Variants in PTK2B observed in about 807,000 individuals in gnomAD.
PTK2B encodes the protein protein tyrosine kinase 2 beta.
Under a neutral mutation model 142.9 loss-of-function variants are expected in PTK2B, and 71 were observed. The observed-to-expected ratio is 0.50, with a 90% CI of 0.41 to 0.61. The LOEUF is 0.61. Among genes scored for constraint, PTK2B ranks in the 20% least tolerant of loss-of-function variants. The pLI is 0.00. For missense variants in PTK2B, 1,105 were observed against 1,320.4 expected, an observed-to-expected ratio of 0.84 and a Z score of 2.53; for synonymous variants, 519 against 503.4, an observed-to-expected ratio of 1.03 and a Z score of -0.42.
At chr8:27,374,192 C>G (rs1304600039) in intron 1 of PTK2B, among the ~76,000 whole-genome samples, 3 of 152,176 alleles carry the variant, frequency 2.0e-5, no homozygotes, top group Non-Finnish European at 4.4e-5. Context: ...TGCACATAGA[C>G]AATAGAAGTA....
At chr8:27,337,608 A>G (rs1804152112) in intron 1 of PTK2B, among the ~76,000 whole-genome samples, 1 of 152,210 alleles carries the variant, frequency 6.6e-6, no homozygotes, top group South Asian at 2.1e-4. Flanking sequence ...GAATTGTACA[A>G]CACTGTGGCC....
At chr8:27,356,776 G>C (rs377257710) in intron 1 of PTK2B, among the ~76,000 whole-genome samples, 12 of 152,356 alleles carry the variant, frequency 7.9e-5, no homozygotes, top group East Asian at 3.9e-4. Context: ...TGGATCTCAA[G>C]GGTATTATGC....
Position 27,350,988 on chromosome 8 carries a change from AAAATATATATATATATATATATAT to A in PTK2B, c.-38+25309_-38+25332del, listed in dbSNP as rs1193044593. Among the ~76,000 whole-genome samples, 2 of 16,224 alleles carry A rather than the reference AAAATATATATATATATATATATAT, an allele frequency of 1.2e-4. 1 individual carries two copies. Among genetic ancestry groups the A allele is most frequent in the Non-Finnish European group, 2.8e-4 (2 of 7,252 alleles). The allele number at this position is 16,224 out of a possible 152,430, so 10.6% of individuals were successfully genotyped here. ...AAGTCTCCGTCTCAAAAAAAAAAAAAAAATATATATATATATATATATATATATATATATATATATATATATATA... is the reference window on the plus strand; with the variant it reads ...AAGTCTCCGTCTCAAAAAAAAAAAAAATATATATATATATATATATATATA... On this transcript the variant is annotated intron_variant, in intron 1 of 30. Transcript: ENST00000346049.
chr8:27,414,032 A>G (rs1431758627), intron 2 of PTK2B, among the ~76,000 whole-genome samples: 1 of 152,210 alleles, frequency 6.6e-6, no homozygotes, highest in Non-Finnish European at 1.5e-5. Flanking sequence ...GAGTTCCTTC[A>G]GGCTAATCCT....
intron 13 of PTK2B, among the ~76,000 whole-genome samples, chr8:27,434,859 G>A (rs938898121): frequency 4.6e-5 from 7 of 152,240 alleles, no homozygotes; most frequent in African/African-American, 1.4e-4. Context: ...AATTGGATGG[G>A]CATGGTGGCA....
chr8:27,382,297 A>C (rs1405741722), intron 1 of PTK2B, among the ~76,000 whole-genome samples: 2 of 152,186 alleles, frequency 1.3e-5, no homozygotes, highest in South Asian at 2.1e-4. Context: ...CTCATTAAAA[A>C]AAAATTATTA....
intron 1 of PTK2B, among the ~76,000 whole-genome samples, chr8:27,365,195 C>T (rs1805947582): frequency 6.6e-6 from 1 of 152,228 alleles, no homozygotes; most frequent in African/African-American, 2.4e-5. Context: ...TTCGCTTGCG[C>T]TAACCACACT....
intron 30 of PTK2B, 81 bp downstream of exon 30, chr8:27,454,692 G>C (rs1455123522): frequency 6.9e-7 from 1 of 1,445,524 alleles, no homozygotes; most frequent in African/African-American, 1.4e-5. Flanking sequence ...CATGATGGCT[G>C]CCTGGGCAAC....
At chr8:27,354,610 G>A (rs533303331) in intron 1 of PTK2B, among the ~76,000 whole-genome samples, 49 of 152,310 alleles carry the variant, frequency 3.2e-4, no homozygotes, top group Non-Finnish European at 6.2e-4. Context: ...AGTGACATCC[G>A]AAGTGCTTGA....
chr8:27,355,027 G>T (rs1018451239), intron 1 of PTK2B, among the ~76,000 whole-genome samples: 1 of 152,178 alleles, frequency 6.6e-6, no homozygotes, highest in East Asian at 1.9e-4. Flanking sequence ...TAACTCCCCA[G>T]ACTATACTTT....
At chr8:27,362,211 G>T (rs1367589059) in intron 1 of PTK2B, among the ~76,000 whole-genome samples, 120 of 152,252 alleles carry the variant, frequency 7.9e-4, no homozygotes, top group African/African-American at 2.7e-3. Flanking sequence ...AGAGCCTCAG[G>T]GCAGCACCAG....
intron 3 of PTK2B, among the ~76,000 whole-genome samples, chr8:27,319,888 T>A (rs916565836): frequency 6.6e-6 from 1 of 152,178 alleles, no homozygotes; most frequent in African/African-American, 2.4e-5. Context: ...CGCTGCATAT[T>A]TCTCTGTACT....
intron 27 of PTK2B, 200 bp downstream of exon 27, chr8:27,451,709 C>T (rs1238862649): frequency 6.3e-6 from 9 of 1,424,798 alleles, no homozygotes; most frequent in African/African-American, 1.5e-5. Flanking sequence ...CTGCCTAGCA[C>T]CCTGCCCTTC....
chr8:27,315,432 A>G (rs1259754845), intron 3 of PTK2B, among the ~76,000 whole-genome samples: 2 of 152,142 alleles, frequency 1.3e-5, no homozygotes, highest in Non-Finnish European at 2.9e-5. Flanking sequence ...GCAATATCCA[A>G]AAAAGCCACA....
intron 10 of PTK2B, 32 bp downstream of exon 10, chr8:27,432,393 G>C: frequency 6.3e-7 from 1 of 1,595,482 alleles, no homozygotes; most frequent in South Asian, 1.1e-5. Flanking sequence ...GCACCTGGCA[G>C]CTCTGCAGGG....
intron 30 of PTK2B, among the ~76,000 whole-genome samples, chr8:27,456,695 G>A (rs1812161638): frequency 6.6e-6 from 1 of 152,196 alleles, no homozygotes; most frequent in South Asian, 2.1e-4. Flanking sequence ...ACCAAGACAG[G>A]CCAAAAGATA....
At chr8:27,423,499 G>GC (rs1303579683) in intron 5 of PTK2B, among the ~76,000 whole-genome samples, 1 of 152,144 alleles carries the variant, frequency 6.6e-6, no homozygotes, top group Non-Finnish European at 1.5e-5. Flanking sequence ...TTTTTGACCA[G>GC]CCCCCCAGGT....
chr8:27,351,351 G>C (rs531606539), intron 1 of PTK2B, among the ~76,000 whole-genome samples: 1 of 151,790 alleles, frequency 6.6e-6, no homozygotes, highest in Non-Finnish European at 1.5e-5. Context: ...CTTTAATCAC[G>C]GGTGAGAAAA....
At chr8:27,340,926 C>T (rs1216654454) in intron 1 of PTK2B, among the ~76,000 whole-genome samples, 2 of 152,234 alleles carry the variant, frequency 1.3e-5, no homozygotes, top group African/African-American at 4.8e-5. Context: ...GCAGACAGAA[C>T]AGACAGGGCT....
Sources: gnomAD v4.1 joint callset for allele counts (sites outside exome capture counted in the v4.1 genomes callset) on GRCh38, gnomAD v4.1.1 for gene constraint, MANE v1.5 for transcripts, NCBI Gene and HGNC (gene_info 2026-07-23, HGNC 2026-07-21) for gene names.